Variants in GAS7 observed in about 807,000 individuals in gnomAD.
GAS7 encodes growth arrest specific 7.
In GAS7, 28 loss-of-function variants were observed where a neutral mutation model predicts 71.1. That is an observed-to-expected ratio of 0.39 (90% CI 0.29 to 0.54). GAS7 has a LOEUF of 0.54. Among genes scored for constraint, GAS7 ranks in the 20% least tolerant of loss-of-function variants. The pLI, the probability that GAS7 is intolerant of heterozygous loss-of-function variation, is 0.62. For missense variants in GAS7, 436 were observed against 627.8 expected, an observed-to-expected ratio of 0.69 and a Z score of 3.27; for synonymous variants, 258 against 245.8, an observed-to-expected ratio of 1.05 and a Z score of -0.46.
intron 8 of GAS7, among the ~76,000 whole-genome samples, chr17:9,938,286 T>C (rs1273785961): frequency 6.6e-6 from 1 of 151,746 alleles, no homozygotes; most frequent in Non-Finnish European, 1.5e-5. Flanking sequence ...GAGGGTGGAC[T>C]GCTTGAGTTC....
Position 10,172,101 on chromosome 17 carries a change from C to T in GAS7, c.183+26107G>A, listed in dbSNP as rs116220697. On this transcript the variant is annotated intron_variant, in intron 1 of 13. Transcript: ENST00000432992. ...CCATCTGCTGCTTTCCCCTAAGTGT[C>T]CCTCGGGTCTGCTTGTTTGGATTCT... Among the ~76,000 whole-genome samples the T allele has an allele frequency of 4.6e-3, 696 of 152,314 alleles. 9 individuals are homozygous for T. The highest frequency in any genetic ancestry group is 0.016 in the African/African-American group (668 of 41,568).
At position 9,911,098 on chromosome 17, in the gene GAS7, CCT is replaced by C. The variant is rs2067424800; in HGVS notation, c.*6128_*6129del. The C allele has an allele frequency of 4.3e-6, 1 of 233,194 alleles. No individual in the cohort carries two copies. 14.4% of individuals were successfully genotyped at this position (233,194 alleles called of 1,614,324 possible). ...AGGGAAGGGATGCTAAGTTGGGGCC[CCT>C]GTCACTAAGGATGGCTGGCGTCCCT... On this transcript the variant is annotated 3_prime_UTR_variant, in exon 14 of 14. Transcript: ENST00000432992. This position sits in a 1 kb window ranked among gnomAD's most constrained non-coding sequence, Gnocchi z 4.0.
At chr17:10,095,305 G>A (rs1382429390) in intron 1 of GAS7, among the ~76,000 whole-genome samples, 1 of 152,148 alleles carries the variant, frequency 6.6e-6, no homozygotes, top group Non-Finnish European at 1.5e-5. Context: ...TAAACTCCAT[G>A]AAGCTTTCTG....
chr17:9,974,392 C>T lies in GAS7; in HGVS notation c.386-4630G>A, dbSNP rs571000847. ...TGGGGGCTCCCGGCTCACCCAGGGT[C>T]AGCCACAAAACAAATGAGGCGAGAA... On this transcript the variant is annotated intron_variant, in intron 3 of 13. Transcript: ENST00000432992. This position sits in a 1 kb window ranked among gnomAD's most constrained non-coding sequence, Gnocchi z 4.0. Among the ~76,000 whole-genome samples, 247 of 152,156 alleles carry T rather than the reference C, an allele frequency of 1.6e-3. No homozygotes were observed. The highest frequency in any genetic ancestry group is 2.9e-3 in the Non-Finnish European group (196 of 68,008).
At chr17:10,070,583 C>T (rs1036719053) in intron 1 of GAS7, among the ~76,000 whole-genome samples, 5 of 152,042 alleles carry the variant, frequency 3.3e-5, no homozygotes, top group Non-Finnish European at 5.9e-5. Flanking sequence ...AGGCTGGTCT[C>T]GAACTCCTGA....
chr17:10,105,858 T>C (rs927487624), intron 1 of GAS7, among the ~76,000 whole-genome samples: 1 of 152,180 alleles, frequency 6.6e-6, no homozygotes, highest in African/African-American at 2.4e-5. Flanking sequence ...TACTCACCAC[T>C]GCATTCCAGC....
chr17:10,024,170 CT>C (rs2072379458), intron 1 of GAS7, among the ~76,000 whole-genome samples: 2 of 152,092 alleles, frequency 1.3e-5, no homozygotes, highest in Non-Finnish European at 2.9e-5. Flanking sequence ...TTTCTGCCTT[CT>C]GCGAAGGCAG....
intron 1 of GAS7, among the ~76,000 whole-genome samples, chr17:10,142,946 G>A (rs376123145): frequency 9.9e-5 from 15 of 151,978 alleles, no homozygotes; most frequent in Admixed American, 2.6e-4. Flanking sequence ...CAAGGTGGCC[G>A]GATCACCTGA....
In GAS7 at chr17:9,981,754, T is replaced by C. The variant is rs2070417824; in HGVS notation, c.385+50A>G. 1.0e-6 allele frequency: 1 copy of C among 993,142 alleles called. No individual in the cohort carries two copies. The allele number at this position is 993,142 out of a possible 1,614,324, so 61.5% of individuals were successfully genotyped here. On this transcript the variant is annotated intron_variant, in intron 3 of 13. Coordinates refer to ENST00000432992, the MANE Select transcript of GAS7 (RefSeq NM_201433.2). The surrounding 1 kb of genome is among the most constrained non-coding windows in gnomAD (Gnocchi z 4.4). ...CCATCATCTCAGCCTCTCCACTGAA[T>C]GTGGCATCAGGGCCCTCCCAGTTGC...
chr17:10,081,682 C>T (rs2073458932), intron 1 of GAS7, among the ~76,000 whole-genome samples: 1 of 152,098 alleles, frequency 6.6e-6, no homozygotes, highest in East Asian at 1.9e-4. Context: ...CAGACACGAC[C>T]TGACTAGCAA....
At chr17:10,044,457 T>C (rs2072918379) in intron 1 of GAS7, among the ~76,000 whole-genome samples, 1 of 152,222 alleles carries the variant, frequency 6.6e-6, no homozygotes. Context: ...TGCTTAAATA[T>C]GAATGGTGCC....
intron 1 of GAS7, among the ~76,000 whole-genome samples, chr17:10,064,892 A>C (rs2073264572): frequency 6.6e-6 from 1 of 152,190 alleles, no homozygotes; most frequent in African/African-American, 2.4e-5. Flanking sequence ...CAGTGGTACA[A>C]TCATAGCTCA....
rs1195305558 is a variant in GAS7, at chr17:10,034,186, G to A, written c.184-14289C>T. ...TAAAGCTGCAGCAGTCTCGCTGGCA[G>A]ATCTTGAGCAACCTCTTCCATCTCT... On this transcript the variant is annotated intron_variant, in intron 1 of 13. Coordinates refer to ENST00000432992, the MANE Select transcript of GAS7 (RefSeq NM_201433.2). The surrounding 1 kb of genome is among the most constrained non-coding windows in gnomAD (Gnocchi z 4.4). 6.1e-6 allele frequency: 6 copies of A among 985,018 alleles called. No homozygotes were observed. Among genetic ancestry groups the A allele is most frequent in the Non-Finnish European group, 7.2e-6 (6 of 829,556 alleles). 61.0% of individuals were successfully genotyped at this position (985,018 alleles called of 1,614,324 possible).
intron 1 of GAS7, among the ~76,000 whole-genome samples, chr17:10,132,532 G>A (rs897593680): frequency 2.0e-5 from 3 of 152,194 alleles, no homozygotes; most frequent in Non-Finnish European, 4.4e-5. Context: ...TTGGGAGGCC[G>A]AGGTGGGTGG....
intron 1 of GAS7, among the ~76,000 whole-genome samples, chr17:10,158,336 TAAAAAAAAAA>T (rs58514810): frequency 1.2e-5 from 1 of 83,404 alleles, no homozygotes; most frequent in African/African-American, 4.2e-5. Context: ...CTTTTTTTGG[TAAAAAAAAAA>T]AAAAAAAAAA....
At chr17:10,045,209 G>T (rs2072933403) in intron 1 of GAS7, among the ~76,000 whole-genome samples, 1 of 152,140 alleles carries the variant, frequency 6.6e-6, no homozygotes, top group Admixed American at 6.5e-5. Context: ...GCAAAGGGAA[G>T]CAAGATCTTT....
chr17:10,083,112 G>C (rs139093584), intron 1 of GAS7, among the ~76,000 whole-genome samples: 1,696 of 152,340 alleles, frequency 0.011, 31 homozygotes, highest in African/African-American at 0.039. Context: ...TGGCCTGTAC[G>C]CATGTAATAA....
rs187804575 is a variant in GAS7 at position 9,960,866 on chromosome 17, T to C, written c.472-1611A>G. On this transcript the variant is annotated intron_variant, in intron 4 of 13. Transcript: ENST00000432992. ...AGCATTAATTTCACAGACAAGAAAATGATTACTAGCCTTGAGACCCTGGCC... is the reference window on the plus strand; with the variant it reads ...AGCATTAATTTCACAGACAAGAAAACGATTACTAGCCTTGAGACCCTGGCC... 4.9e-4 allele frequency among the ~76,000 whole-genome samples: 75 copies of C among 152,304 alleles called. No homozygotes were observed. In the East Asian group the frequency reaches 0.013, roughly 27 times the overall value.
chr17:9,993,365 A>G (rs1243510131), intron 2 of GAS7, among the ~76,000 whole-genome samples: 3 of 151,888 alleles, frequency 2.0e-5, no homozygotes, highest in Admixed American at 6.6e-5. Context: ...GTGATGGTGA[A>G]CATTTTTTCA....
Sources: gnomAD v4.1 joint callset for allele counts (sites outside exome capture counted in the v4.1 genomes callset) on GRCh38, gnomAD v4.1.1 for gene constraint, Gnocchi (gnomAD v3.1) non-coding constraint, MANE v1.5 for transcripts, NCBI Gene and HGNC (gene_info 2026-07-23, HGNC 2026-07-21) for gene names.